The following BCAS3 variants were observed in gnomAD, a reference collection of about 807,000 sequenced individuals.
BCAS3 encodes BCAS3 microtubule associated cell migration factor.
Under a neutral mutation model 116.1 loss-of-function variants are expected in BCAS3, and 53 were observed. The ratio of observed to expected loss-of-function variants is 0.46; its 90% CI spans 0.37 to 0.57. BCAS3 has a LOEUF of 0.57. BCAS3 is among the 20% of genes least tolerant of loss of function. The probability of loss-of-function intolerance (pLI) is 0.00; values close to 1 mark genes in which losing one functional copy is unlikely to be tolerated. For missense variants in BCAS3, 917 were observed against 1,165.4 expected, an observed-to-expected ratio of 0.79 and a Z score of 3.10; for synonymous variants, 391 against 408.2, an observed-to-expected ratio of 0.96 and a Z score of 0.51.
intron 15 of BCAS3, among the ~76,000 whole-genome samples, chr17:61,009,735 A>T (rs540109523): frequency 1.4e-4 from 21 of 152,162 alleles, no homozygotes; most frequent in African/African-American, 5.1e-4. Flanking sequence ...GAAATGTTCA[A>T]CAATTTCAGT....
intron 13 of BCAS3, among the ~76,000 whole-genome samples, chr17:60,933,124 G>A (rs1462425778): frequency 6.6e-6 from 1 of 151,766 alleles, no homozygotes; most frequent in Admixed American, 6.6e-5. Flanking sequence ...CTGAGATGGT[G>A]CCACTGTACT....
intron 22 of BCAS3, among the ~76,000 whole-genome samples, chr17:61,252,710 T>G (rs1326838200): frequency 6.6e-6 from 1 of 152,132 alleles, no homozygotes; most frequent in East Asian, 1.9e-4. Context: ...CCTCTGCTTA[T>G]AGACAAGGAC....
intron 22 of BCAS3, among the ~76,000 whole-genome samples, chr17:61,272,514 C>T (rs8067826): frequency 1.3e-5 from 2 of 150,944 alleles, no homozygotes; most frequent in Admixed American, 6.6e-5. Context: ...GAGACCACAT[C>T]TGTGGTCTCA....
rs1052402236 is a variant in BCAS3 at position 61,140,953 on chromosome 17, T to C, written c.2425+56389T>C. Among the ~76,000 whole-genome samples the C allele has an allele frequency of 8.6e-5, 13 of 151,884 alleles. No individual in the cohort carries two copies. Among genetic ancestry groups the C allele is most frequent in the African/African-American group, 1.5e-4 (6 of 41,352 alleles). ...TTTGTCCATTTGAGTGTTTTTTTTTTCCCCCAAAAGTATAATAGTGAAATG... is the reference window on the plus strand; with the variant it reads ...TTTGTCCATTTGAGTGTTTTTTTTTCCCCCCAAAAGTATAATAGTGAAATG... On this transcript the variant is annotated intron_variant, in intron 22 of 23. Transcript: ENST00000407086. The surrounding 1 kb of genome is among the most constrained non-coding windows in gnomAD (Gnocchi z 4.2).
intron 14 of BCAS3, among the ~76,000 whole-genome samples, chr17:60,987,306 T>G (rs2145421427): frequency 6.6e-6 from 1 of 151,372 alleles, no homozygotes; most frequent in Non-Finnish European, 1.5e-5. Flanking sequence ...TTGCTCAGGA[T>G]AGCTTTGGTT....
At chr17:60,907,421 C>T (rs534774104) in intron 11 of BCAS3, among the ~76,000 whole-genome samples, 1 of 152,304 alleles carries the variant, frequency 6.6e-6, no homozygotes, top group East Asian at 1.9e-4. Context: ...TGACAACTAA[C>T]AGCTTTTGTG....
Position 61,034,878 on chromosome 17 carries a change from G to A in BCAS3, c.1762+88G>A. ...TTAGCAGTTTCCCTAGAATAATCTT[G>A]TACCCAGTAGTCTGGAAACCAATTT... On this transcript the variant is annotated intron_variant, in intron 17 of 23. Coordinates refer to ENST00000407086, the MANE Select transcript of BCAS3 (RefSeq NM_017679.5). The surrounding 1 kb of genome is among the most constrained non-coding windows in gnomAD (Gnocchi z 5.0). 1 of 1,313,080 alleles carries A rather than the reference G, an allele frequency of 7.6e-7. No homozygotes were observed. Among genetic ancestry groups the A allele is most frequent in the Non-Finnish European group, 1.0e-6 (1 of 960,390 alleles). The allele number at this position is 1,313,080 out of a possible 1,614,324, so 81.3% of individuals were successfully genotyped here.
At chr17:60,937,857 CTG>C (rs1212488254) in intron 13 of BCAS3, among the ~76,000 whole-genome samples, 1 of 152,180 alleles carries the variant, frequency 6.6e-6, no homozygotes, top group Non-Finnish European at 1.5e-5. Context: ...CATTAGTTGA[CTG>C]TATCTGTATC....
intron 13 of BCAS3, among the ~76,000 whole-genome samples, chr17:60,931,313 T>C (rs1488891769): frequency 1.3e-5 from 2 of 152,158 alleles, no homozygotes; most frequent in Non-Finnish European, 2.9e-5. Flanking sequence ...CCTCGCTCTG[T>C]TGCCTAGGCT....
rs113582291 is a variant in BCAS3 at position 61,084,704 on chromosome 17, A to G, written c.2425+140A>G. The G allele has an allele frequency of 4.6e-3, 3,316 of 718,940 alleles. 7 individuals are homozygous for G. Among genetic ancestry groups the G allele is most frequent in the Admixed American group, 6.6e-3 (275 of 41,886 alleles). The allele number at this position is 718,940 out of a possible 1,614,324, so 44.5% of individuals were successfully genotyped here. The stretch of plus-strand genomic sequence containing the variant: ...TGGTGTGTGTGCATTTTAATACAGT[A>G]CTGTGCCTATATTTCTTGCTGAACA... On this transcript the variant is annotated intron_variant, in intron 22 of 23. Coordinates refer to ENST00000407086, the MANE Select transcript of BCAS3 (RefSeq NM_017679.5). This position sits in a 1 kb window ranked among gnomAD's most constrained non-coding sequence, Gnocchi z 5.5.
At chr17:61,010,638 A>G (rs1353883607) in intron 15 of BCAS3, among the ~76,000 whole-genome samples, 2 of 152,088 alleles carry the variant, frequency 1.3e-5, no homozygotes, top group Non-Finnish European at 2.9e-5. Context: ...CAGAACAAAA[A>G]CAAGACATCA....
chr17:60,889,351 T>C (rs533621078), intron 9 of BCAS3, among the ~76,000 whole-genome samples: 59 of 152,328 alleles, frequency 3.9e-4, no homozygotes, highest in African/African-American at 1.4e-3. Context: ...TCTCCCAAAA[T>C]TCTTCCTTGA....
At chr17:60,916,797 A>G (rs992840894) in intron 12 of BCAS3, among the ~76,000 whole-genome samples, 6 of 152,234 alleles carry the variant, frequency 3.9e-5, no homozygotes, top group Admixed American at 6.5e-5. Flanking sequence ...TTTGTAAATC[A>G]TATTTTTGAT....
chr17:60,923,181 C>G (rs549752391), intron 12 of BCAS3, among the ~76,000 whole-genome samples: 1 of 152,066 alleles, frequency 6.6e-6, no homozygotes, highest in African/African-American at 2.4e-5. Context: ...GTATTTGTAG[C>G]TAGATTGAAT....
rs370463155 is a variant in BCAS3 at position 61,196,287 on chromosome 17, C to G, written c.2425+111723C>G. ...GTGACATTTGCCCAAAGGGAAACAC[C>G]GGTCCCTTGGATTACACTGTGCATC... On this transcript the variant is annotated intron_variant, in intron 22 of 23. Coordinates refer to ENST00000407086, the MANE Select transcript of BCAS3 (RefSeq NM_017679.5). The surrounding 1 kb of genome is among the most constrained non-coding windows in gnomAD (Gnocchi z 4.7). Among the ~76,000 whole-genome samples, 1 of 152,264 alleles carries G rather than the reference C, an allele frequency of 6.6e-6. No individual in the cohort carries two copies. Among genetic ancestry groups the G allele is most frequent in the African/African-American group, 2.4e-5 (1 of 41,540 alleles).
chr17:61,080,873 T>C (rs1476751062), intron 21 of BCAS3, among the ~76,000 whole-genome samples: 3 of 152,238 alleles, frequency 2.0e-5, no homozygotes, highest in African/African-American at 7.2e-5. Flanking sequence ...TTTTGTTTTT[T>C]TCTTCTCTGC....
chr17:61,329,343 A>ATTAT (rs1555831750), intron 22 of BCAS3, among the ~76,000 whole-genome samples: 10 of 131,292 alleles, frequency 7.6e-5, no homozygotes, highest in South Asian at 4.9e-4. Context: ...TATTATTATT[A>ATTAT]TTTTTTTTTT....
In BCAS3 at chr17:61,233,424, C is replaced by T. The variant is rs968263110; in HGVS notation, c.2426-134903C>T. On this transcript the variant is annotated intron_variant, in intron 22 of 23. Transcript: ENST00000407086. This position sits in a 1 kb window ranked among gnomAD's most constrained non-coding sequence, Gnocchi z 4.3. ...ACTAAGCTTGTATTGGTTCATCGTC[C>T]AGATCTAAAAATGATTGTTAATTTG... is the stretch of plus-strand genomic sequence containing the variant. Among the ~76,000 whole-genome samples, 1 of 152,174 alleles carries T rather than the reference C, an allele frequency of 6.6e-6. No homozygotes were observed. The highest frequency in any genetic ancestry group is 1.5e-5 in the Non-Finnish European group (1 of 68,034).
chr17:61,269,117 CTT>C (rs796111045), intron 22 of BCAS3, among the ~76,000 whole-genome samples: 15 of 140,230 alleles, frequency 1.1e-4, no homozygotes, highest in Non-Finnish European at 1.1e-4. Flanking sequence ...ATTTTCTTTT[CTT>C]TTTTTTTTTT....
Sources: gnomAD v4.1 joint callset for allele counts (sites outside exome capture counted in the v4.1 genomes callset) on GRCh38, gnomAD v4.1.1 for gene constraint, Gnocchi (gnomAD v3.1) non-coding constraint, MANE v1.5 for transcripts, NCBI Gene and HGNC (gene_info 2026-07-23, HGNC 2026-07-21) for gene names.